Variants in PTPRS observed in about 807,000 individuals in gnomAD.
PTPRS encodes receptor-type tyrosine-protein phosphatase S.
A neutral mutation model predicts 215.3 loss-of-function variants in PTPRS; 63 were observed. That is an observed-to-expected ratio of 0.29 (90% CI 0.24 to 0.36). The LOEUF (loss-of-function observed/expected upper bound fraction) is 0.36. Among genes scored for constraint, PTPRS ranks in the 10% least tolerant of loss-of-function variants. The probability of loss-of-function intolerance (pLI) is 1.00; values close to 1 mark genes in which losing one functional copy is unlikely to be tolerated. For synonymous variants in PTPRS, 1,404 were observed against 1,191.4 expected, an observed-to-expected ratio of 1.18 and a Z score of -3.68; for missense variants, 2,258 against 2,825.8, an observed-to-expected ratio of 0.80 and a Z score of 4.56.
chr19:5,271,426 T>C, intron 4 of PTPRS, among the ~76,000 whole-genome samples: 1 of 151,248 alleles, frequency 6.6e-6, no homozygotes, highest in African/African-American at 2.4e-5. Flanking sequence ...AGACGGAGTC[T>C]TGCCCTGGTC....
chr19:5,324,595 C>G (rs1336730142), intron 1 of PTPRS, among the ~76,000 whole-genome samples: 1 of 152,198 alleles, frequency 6.6e-6, no homozygotes, highest in African/African-American at 2.4e-5. Flanking sequence ...GGGGAGGCCC[C>G]CAGGTGTGTC....
chr19:5,301,702 C>T lies in PTPRS; in HGVS notation c.-94-15468G>A, dbSNP rs564085819. Among the ~76,000 whole-genome samples the T allele has an allele frequency of 2.0e-5, 3 of 152,222 alleles. No individual in the cohort carries two copies. In the South Asian group the frequency reaches 6.2e-4, roughly 32 times the overall value. ...CAAGCGCATCCTCCCCCTCTACACC[C>T]ACCAGTCCCCAGGAAGGGTGATCAC... is the stretch of plus-strand genomic sequence containing the variant. On this transcript the variant is annotated intron_variant, in intron 1 of 37. Transcript: ENST00000262963.
Position 5,209,378 on chromosome 19 carries a change from C to T in PTPRS, c.5488-987G>A, listed in dbSNP as rs150915921. Among the ~76,000 whole-genome samples, 710 of 152,284 alleles carry T rather than the reference C, an allele frequency of 4.7e-3. 4 individuals carry two copies. Among genetic ancestry groups the T allele is most frequent in the Non-Finnish European group, 7.9e-3 (536 of 68,016 alleles). ...ATCCAAGGGTACCATCTTCCACTGA[C>T]ATTCTCCATTCCCCATCATCTGCCT... On this transcript the variant is annotated intron_variant, in intron 35 of 37. Transcript: ENST00000262963.
At chr19:5,271,153 G>T (rs1367364173) in intron 4 of PTPRS, among the ~76,000 whole-genome samples, 1 of 152,204 alleles carries the variant, frequency 6.6e-6, no homozygotes, top group Non-Finnish European at 1.5e-5. Flanking sequence ...CTAATGGCTG[G>T]CAGTGGCTCA....
intron 5 of PTPRS, 101 bp from the exon 6 acceptor site, chr19:5,263,073 G>C: frequency 3.2e-6 from 2 of 630,664 alleles, no homozygotes; most frequent in Non-Finnish European, 2.8e-6. Flanking sequence ...GGCGGGGGAG[G>C]GGAGGGGGAC....
chr19:5,270,663 AGTCTCCCTGT>A (rs1367277789), intron 4 of PTPRS, among the ~76,000 whole-genome samples: 3 of 151,596 alleles, frequency 2.0e-5, no homozygotes, highest in Non-Finnish European at 4.4e-5. Flanking sequence ...TTTGAGATGG[AGTCTCCCTGT>A]GTCACCCAGG....
At chr19:5,309,250 C>T (rs1190802216) in intron 1 of PTPRS, among the ~76,000 whole-genome samples, 2 of 152,156 alleles carry the variant, frequency 1.3e-5, no homozygotes, top group Non-Finnish European at 2.9e-5. Context: ...GGGCAAGTGC[C>T]TTAACCTCTC....
In PTPRS at chr19:5,245,824, T is replaced by C. The variant is rs2044432652; in HGVS notation, c.940A>G (p.Met314Val). 3.7e-6 allele frequency: 6 copies of C among 1,613,114 alleles called. No homozygotes were observed. Among genetic ancestry groups the C allele is most frequent in the Non-Finnish European group, 5.1e-6 (6 of 1,179,666 alleles). ...GCCTCAATGACGCCCAGGCTGGACA[T>C]GGCCACGCAGGTGTAGTTGGCCGAG... ...KDSANYTCVAMSSLGVIEAVA... is the reference protein window; with the variant it reads ...KDSANYTCVAVSSLGVIEAVA... Residue 314 changes from methionine (M) to valine (V), a missense_variant, in exon 10 of 38, where the codon ATG becomes GTG. By Grantham distance (21) the Met-to-Val change is conservative. Transcript: ENST00000262963.
In PTPRS at chr19:5,257,602, C is replaced by A. The variant is rs2045663999; in HGVS notation, c.706+415G>T. ...ACAAAGTTGGGAGAAGCAAAGCCAGCACACAGCACGGGAAGGCACGACACA... is the reference window on the plus strand; with the variant it reads ...ACAAAGTTGGGAGAAGCAAAGCCAGAACACAGCACGGGAAGGCACGACACA... On this transcript the variant is annotated intron_variant, in intron 8 of 37. Transcript: ENST00000262963. The surrounding 1 kb of genome is among the most constrained non-coding windows in gnomAD (Gnocchi z 4.4). 1.3e-5 allele frequency among the ~76,000 whole-genome samples: 2 copies of A among 152,172 alleles called. No homozygotes were observed.
intron 11 of PTPRS, among the ~76,000 whole-genome samples, chr19:5,242,945 C>G (rs2044167304): frequency 6.6e-6 from 1 of 151,986 alleles, no homozygotes; most frequent in African/African-American, 2.4e-5. Flanking sequence ...CTTGGCCTCC[C>G]AAAGTGCTGA....
chr19:5,321,469 C>G (rs1195244221), intron 1 of PTPRS, among the ~76,000 whole-genome samples: 1 of 152,216 alleles, frequency 6.6e-6, no homozygotes, highest in East Asian at 1.9e-4. Flanking sequence ...GATCTACCGC[C>G]TAGAAGTGGC....
intron 1 of PTPRS, among the ~76,000 whole-genome samples, chr19:5,315,251 C>T (rs988548953): frequency 2.0e-5 from 3 of 151,720 alleles, no homozygotes; most frequent in Non-Finnish European, 2.9e-5. Flanking sequence ...TTATCAATCT[C>T]CAGCAATTTC....
At chr19:5,283,242 G>A (rs936170315) in intron 2 of PTPRS, among the ~76,000 whole-genome samples, 1 of 147,510 alleles carries the variant, frequency 6.8e-6, no homozygotes, top group African/African-American at 2.5e-5. Flanking sequence ...AGCAGAAATT[G>A]TTCCCCTATG....
intron 17 of PTPRS, 100 bp from the exon 18 acceptor site, chr19:5,223,397 A>C: frequency 7.8e-7 from 1 of 1,278,750 alleles, no homozygotes; most frequent in Non-Finnish European, 1.0e-6. Flanking sequence ...TCAATATAAC[A>C]TTTTTTTGAG....
chr19:5,222,700 A>G lies in PTPRS; in HGVS notation c.3092T>C (p.Leu1031Pro), dbSNP rs1206861930. The G allele has an allele frequency of 6.3e-7, 1 of 1,587,302 alleles. No individual in the cohort carries two copies. The highest frequency in any genetic ancestry group is 1.7e-5 in the Admixed American group (1 of 58,456). Residue 1031 changes from leucine to proline, a missense_variant, in exon 18 of 38, where the codon CTG becomes CCG. By Grantham distance (98) the Leu-to-Pro change is moderately conservative (BLOSUM62 -3). Transcript: ENST00000262963. Reference sequence around the variant, plus strand: ...CGCCGCGCGCCTACCTTGGTCCCGCAGGAACGTCCGGTAGCGGACGGGGGG... The same window carrying G: ...CGCCGCGCGCCTACCTTGGTCCCGCGGGAACGTCCGGTAGCGGACGGGGGG... ...FSPPVRYRTF[L>P]RDQVSPKNFK...
intron 1 of PTPRS, among the ~76,000 whole-genome samples, chr19:5,300,561 G>A (rs571164097): frequency 1.5e-4 from 23 of 151,842 alleles, no homozygotes; most frequent in African/African-American, 5.6e-4. Context: ...ACTTGAGCCT[G>A]GGTTTTTGAG....
chr19:5,262,734 C>G (rs1397822801), intron 6 of PTPRS, among the ~76,000 whole-genome samples: 1 of 151,544 alleles, frequency 6.6e-6, no homozygotes, highest in African/African-American at 2.4e-5. Context: ...GGACTTGTCT[C>G]TTTTCCTCTT....
intron 1 of PTPRS, among the ~76,000 whole-genome samples, chr19:5,329,040 C>T (rs184472005): frequency 6.6e-6 from 1 of 152,090 alleles, no homozygotes; most frequent in Non-Finnish European, 1.5e-5. Flanking sequence ...TGAGGTGTGG[C>T]GGAGCTTAGG....
rs758847851 is a variant in PTPRS, at chr19:5,210,842, G to A, written c.5235-37C>T. 6.2e-7 allele frequency: 1 copy of A among 1,603,230 alleles called. No homozygotes were observed. The highest frequency in any genetic ancestry group is 8.5e-7 in the Non-Finnish European group (1 of 1,176,548). On this transcript the variant is annotated intron_variant, in intron 33 of 37. Transcript: ENST00000262963. This position sits in a 1 kb window ranked among gnomAD's most constrained non-coding sequence, Gnocchi z 4.5. ...GGGGGTATGAGCCCAGGGCCGGCAG[G>A]GAGACCCGGCGTGGTACTCACCTGA... is the stretch of plus-strand genomic sequence containing the variant.
Sources: gnomAD v4.1 joint callset for allele counts (sites outside exome capture counted in the v4.1 genomes callset) on GRCh38, gnomAD v4.1.1 for gene constraint, Gnocchi (gnomAD v3.1) non-coding constraint, MANE v1.5 for transcripts, NCBI Gene and HGNC (gene_info 2026-07-23, HGNC 2026-07-21) for gene names.